The following FOCAD variants were observed in gnomAD, a reference collection of about 807,000 sequenced individuals.
FOCAD encodes KIAA1797.
Under a neutral mutation model 225.6 loss-of-function variants are expected in FOCAD, and 198 were observed. The observed-to-expected ratio is 0.88, with a 90% confidence interval of 0.78 to 0.99. FOCAD has a LOEUF of 0.99. FOCAD is among the 50% of genes least tolerant of loss of function. The pLI is 0.00. For synonymous variants in FOCAD, 897 were observed against 755.0 expected (o/e 1.19, Z -3.08); for missense variants, 2,713 against 2,123.6 (o/e 1.28, Z -5.46).
chr9:20,682,132 T>C (rs1171903050), upstream of FOCAD, among the ~76,000 whole-genome samples: 1 of 152,206 alleles, frequency 6.6e-6, no homozygotes, highest in Non-Finnish European at 1.5e-5. Context: ...CCATGAGGAA[T>C]GGAACCTCAC....
rs151185995 is a variant in FOCAD at position 20,853,351 on chromosome 9, A to C, written c.1921-9227A>C. The stretch of plus-strand genomic sequence containing the variant: ...TCTCTTGGGTGGCTTCATAGTCTAG[A>C]TCAATCTGTTTAATAAATGTCTCTG... On this transcript the variant is annotated intron_variant, in intron 15 of 43. Transcript: ENST00000338382. Among the ~76,000 whole-genome samples, 428 of 151,864 alleles carry C rather than the reference A, an allele frequency of 2.8e-3. 2 individuals carry two copies. Among genetic ancestry groups the C allele is most frequent in the African/African-American group, 9.7e-3 (402 of 41,514 alleles).
chr9:20,721,472 C>G (rs372099947), intron 4 of FOCAD, among the ~76,000 whole-genome samples: 1 of 151,982 alleles, frequency 6.6e-6, no homozygotes, highest in Non-Finnish European at 1.5e-5. Flanking sequence ...GAGGCTGAGG[C>G]GGGCGGATCA....
intron 15 of FOCAD, among the ~76,000 whole-genome samples, chr9:20,836,471 T>A (rs1402686628): frequency 6.6e-6 from 1 of 152,120 alleles, no homozygotes; most frequent in Admixed American, 6.6e-5. Context: ...ATGAATTTGT[T>A]GGTCTTTTTG....
intron 21 of FOCAD, among the ~76,000 whole-genome samples, chr9:20,891,694 A>G (rs1211035128): frequency 6.6e-6 from 1 of 152,224 alleles, no homozygotes; most frequent in Non-Finnish European, 1.5e-5. Flanking sequence ...CCTGAGGTGT[A>G]AGGAAAGAAG....
chr9:20,953,428 A>T (rs1317776834), intron 35 of FOCAD, among the ~76,000 whole-genome samples: 2 of 152,138 alleles, frequency 1.3e-5, no homozygotes, highest in Non-Finnish European at 2.9e-5. Context: ...CTATCCCGGG[A>T]TCTGTCTTGC....
chr9:20,924,171 T>G (rs1382778237), intron 25 of FOCAD, among the ~76,000 whole-genome samples: 1 of 134,588 alleles, frequency 7.4e-6, no homozygotes, highest in Admixed American at 7.1e-5. Flanking sequence ...AAGTGCCTAT[T>G]CATTTTTGCA....
intron 4 of FOCAD, among the ~76,000 whole-genome samples, chr9:20,738,751 T>C (rs1827358056): frequency 1.3e-5 from 2 of 152,154 alleles, no homozygotes; most frequent in Non-Finnish European, 2.9e-5. Flanking sequence ...GAAATAGAAA[T>C]ATAATCTTAG....
chr9:20,834,563 A>G (rs1825818065), intron 15 of FOCAD, among the ~76,000 whole-genome samples: 1 of 152,134 alleles, frequency 6.6e-6, no homozygotes. Context: ...GGAATGGACC[A>G]CTGCTACTTG....
chr9:20,834,194 C>T (rs1257431548), intron 15 of FOCAD, among the ~76,000 whole-genome samples: 63 of 152,054 alleles, frequency 4.1e-4, no homozygotes, highest in Non-Finnish European at 7.4e-5. Flanking sequence ...TAAACTAACA[C>T]GGGAACAGAA....
At chr9:20,817,519 C>A (rs1236783633) in intron 11 of FOCAD, among the ~76,000 whole-genome samples, 12 of 151,472 alleles carry the variant, frequency 7.9e-5, no homozygotes, top group Non-Finnish European at 1.6e-4. Flanking sequence ...TCAGTACTTC[C>A]TTTATTTTTA....
At chr9:20,752,647 A>C (rs1413317488) in intron 5 of FOCAD, among the ~76,000 whole-genome samples, 6 of 151,928 alleles carry the variant, frequency 3.9e-5, no homozygotes, top group Admixed American at 6.6e-5. Flanking sequence ...TGCGGGCTCT[A>C]TTTTGGTTCC....
chr9:20,831,702 A>G (rs1825508529), intron 15 of FOCAD, among the ~76,000 whole-genome samples: 2 of 152,044 alleles, frequency 1.3e-5, no homozygotes, highest in South Asian at 4.1e-4. Flanking sequence ...ATTCTGTGAT[A>G]TTGAGATATA....
At chr9:20,747,147 A>G (rs926287040) in intron 5 of FOCAD, among the ~76,000 whole-genome samples, 3 of 152,024 alleles carry the variant, frequency 2.0e-5, no homozygotes, top group African/African-American at 7.3e-5. Context: ...ACCAATTTTC[A>G]CTGTGATGAC....
intron 15 of FOCAD, among the ~76,000 whole-genome samples, chr9:20,840,004 G>C (rs939958623): frequency 1.3e-5 from 2 of 152,040 alleles, no homozygotes; most frequent in African/African-American, 4.8e-5. Context: ...ACTCTATTCT[G>C]TTCCGTTGGT....
intron 22 of FOCAD, among the ~76,000 whole-genome samples, chr9:20,908,386 A>G (rs1018018621): frequency 6.6e-6 from 1 of 152,074 alleles, no homozygotes; most frequent in Admixed American, 6.6e-5. Context: ...AAACCTTTTT[A>G]CAACCCATCT....
chr9:20,862,709 T>C lies in FOCAD; in HGVS notation c.2052T>C (p.Tyr684=), dbSNP rs778574096. Residue 684 remains tyrosine (Y), a synonymous_variant, in exon 16 of 44, where the codon TAT becomes TAC. Coordinates refer to ENST00000338382, the MANE Select transcript of FOCAD (RefSeq NM_001375567.1). ...CCTTAACGGTCAATACAACTGAATA[T>C]GAGGTATGCATTTGGAGCTCAGCAC... ...VPSLTVNTTE[Y]ENFKVQVLSF... is the part of the protein sequence containing the mutation. 2 of 1,611,604 alleles carry C rather than the reference T, an allele frequency of 1.2e-6. No homozygotes were observed. The highest frequency in any genetic ancestry group is 1.7e-6 in the Non-Finnish European group (2 of 1,178,860).
At chr9:20,844,582 A>T (rs1826891707) in intron 15 of FOCAD, among the ~76,000 whole-genome samples, 1 of 151,706 alleles carries the variant, frequency 6.6e-6, no homozygotes, top group African/African-American at 2.4e-5. Context: ...GCTGGTCTCA[A>T]ACTCCTGACC....
chr9:20,801,707 G>A (rs1299920179), intron 11 of FOCAD, among the ~76,000 whole-genome samples: 2 of 152,116 alleles, frequency 1.3e-5, no homozygotes, highest in African/African-American at 4.8e-5. Context: ...GTGAACCATA[G>A]TTTCAGTAGC....
chr9:20,875,605 A>AAAG (rs1417039992), intron 19 of FOCAD: 1 of 151,650 alleles, frequency 6.6e-6, no homozygotes, highest in Non-Finnish European at 1.5e-5. Flanking sequence ...GTGTCTCAAA[A>AAAG]AAAAAAAAAA....
Sources: gnomAD v4.1 joint callset for allele counts (sites outside exome capture counted in the v4.1 genomes callset) on GRCh38, gnomAD v4.1.1 for gene constraint, MANE v1.5 for transcripts, NCBI Gene and HGNC (gene_info 2026-07-23, HGNC 2026-07-21) for gene names.